DHX35: variants seen among roughly 807,000 people sequenced by gnomAD.
DHX35 encodes DEAH-box helicase 35.
DHX35 carries 84 observed loss-of-function variants against 99.6 expected under a neutral mutation model. The observed-to-expected ratio is 0.84, with a 90% CI of 0.71 to 1.01. DHX35 has a LOEUF of 1.01. Ranked by LOEUF, DHX35 falls within the 50% of genes least tolerant of loss-of-function variation. The pLI, the probability that DHX35 is intolerant of heterozygous loss-of-function variation, is 0.00. For missense variants in DHX35, 852 were observed against 888.5 expected (o/e 0.96, Z 0.52); for synonymous variants, 331 against 316.2 (o/e 1.05, Z -0.50).
chr20:38,971,994 GTTTTGTTTTGTTT>G (rs1278758779), intron 2 of DHX35, among the ~76,000 whole-genome samples: 4 of 112,044 alleles, frequency 3.6e-5, no homozygotes, highest in African/African-American at 9.9e-5. Flanking sequence ...TGTTTTTTTT[GTTTTGTTTTGTTT>G]TTTTTTTTTT....
intron 15 of DHX35, among the ~76,000 whole-genome samples, chr20:39,020,653 A>ATTTTTTTTTT (rs1339589021): frequency 1.2e-5 from 1 of 86,592 alleles, no homozygotes; most frequent in African/African-American, 5.1e-5. Context: ...TAGAAACAGG[A>ATTTTTTTTTT]TTCTTTTTTT....
intron 3 of DHX35, chr20:38,977,731 T>C (rs2086103504): frequency 9.9e-6 from 4 of 403,874 alleles, no homozygotes; most frequent in Admixed American, 7.6e-5. Flanking sequence ...ATTTTTGCTT[T>C]AGTGTTTTCT....
intron 20 of DHX35, among the ~76,000 whole-genome samples, chr20:39,033,095 G>A (rs2087084603): frequency 6.6e-6 from 1 of 152,082 alleles, no homozygotes; most frequent in Non-Finnish European, 1.5e-5. Context: ...AATGAGCCAG[G>A]CATGGTGGCA....
rs559492413 is a variant in DHX35 at position 38,977,543 on chromosome 20, A to G, written c.267+4892A>G. Among the ~76,000 whole-genome samples, 5 of 152,268 alleles carry G rather than the reference A, an allele frequency of 3.3e-5. No individual in the cohort carries two copies. In the East Asian group the frequency reaches 9.6e-4, roughly 29 times the overall value. ...CACTACTATTATGTCCTATCATGAC[A>G]TTCCATACATACCTAAAACCAAGCA... On this transcript the variant is annotated intron_variant, in intron 3 of 21. Transcript: ENST00000252011.
chr20:38,967,603 G>A (rs995712579), intron 1 of DHX35, among the ~76,000 whole-genome samples: 2 of 152,186 alleles, frequency 1.3e-5, no homozygotes, highest in Admixed American at 1.3e-4. Flanking sequence ...TGTTTCTCCT[G>A]AGTTGTTTTT....
chr20:39,014,196 G>C (rs533418094), intron 13 of DHX35, among the ~76,000 whole-genome samples: 25 of 152,218 alleles, frequency 1.6e-4, no homozygotes, highest in African/African-American at 6.0e-4. Context: ...TTATTACCTG[G>C]GTTATTAGAA....
intron 14 of DHX35, among the ~76,000 whole-genome samples, chr20:39,016,151 G>A (rs1386015972): frequency 6.6e-6 from 1 of 152,204 alleles, no homozygotes; most frequent in African/African-American, 2.4e-5. Flanking sequence ...GAAAGCAAAA[G>A]GAGAGTGGGC....
chr20:38,989,631 T>C (rs1215959023), intron 5 of DHX35, among the ~76,000 whole-genome samples: 2 of 152,164 alleles, frequency 1.3e-5, no homozygotes, highest in Non-Finnish European at 2.9e-5. Context: ...GCAATCGAAA[T>C]ATAGAAACAA....
At chr20:38,978,492 G>T (rs2086118106) in intron 3 of DHX35, 3 of 482,426 alleles carry the variant, frequency 6.2e-6, no homozygotes, top group Non-Finnish European at 1.1e-5. Flanking sequence ...CCAGAGAACA[G>T]CTGTGCAGGG....
chr20:39,009,263 T>C (rs1568744497), intron 12 of DHX35, among the ~76,000 whole-genome samples: 1 of 152,204 alleles, frequency 6.6e-6, no homozygotes, highest in Non-Finnish European at 1.5e-5. Flanking sequence ...AAGTAGCTCA[T>C]TTGGAACTTC....
intron 1 of DHX35, among the ~76,000 whole-genome samples, chr20:38,964,094 T>C (rs375044679): frequency 2.6e-5 from 4 of 152,200 alleles, no homozygotes; most frequent in Non-Finnish European, 5.9e-5. Context: ...ATTATAATTA[T>C]ATGGAAGTAT....
At chr20:39,022,246 A>T (rs1374671004) in intron 16 of DHX35, among the ~76,000 whole-genome samples, 2 of 151,978 alleles carry the variant, frequency 1.3e-5, no homozygotes, top group African/African-American at 4.8e-5. Flanking sequence ...CTGCAACTGC[A>T]CTCTGCCTCC....
In DHX35 at chr20:39,033,595, G is replaced by A. The variant is rs550422132; in HGVS notation, c.1956-611G>A. Among the ~76,000 whole-genome samples, 17 of 152,264 alleles carry A rather than the reference G, an allele frequency of 1.1e-4. No homozygotes were observed. The South Asian group carries it at 3.5e-3, about 32-fold the overall frequency. On this transcript the variant is annotated intron_variant, in intron 20 of 21. Transcript: ENST00000252011. ...TGGGAAGCCCTGAATTAACACTTTG[G>A]ATGTTTCAGAAACTGATATCTACTC...
intron 1 of DHX35, among the ~76,000 whole-genome samples, chr20:38,963,665 T>C (rs935877322): frequency 6.6e-6 from 1 of 152,228 alleles, no homozygotes; most frequent in Non-Finnish European, 1.5e-5. Context: ...CAGGGTACTA[T>C]TTTGGTTAAA....
At chr20:38,971,374 C>CAA (rs2085994450) in intron 2 of DHX35, among the ~76,000 whole-genome samples, 1 of 152,050 alleles carries the variant, frequency 6.6e-6, no homozygotes. Context: ...CAAAACAAAA[C>CAA]AATGTTGGAA....
chr20:39,015,520 C>T (rs899628077), intron 14 of DHX35, among the ~76,000 whole-genome samples: 6 of 152,154 alleles, frequency 3.9e-5, no homozygotes, highest in African/African-American at 1.4e-4. Context: ...TTTATCTTGA[C>T]ATAGAGAAAA....
intron 20 of DHX35, among the ~76,000 whole-genome samples, chr20:39,031,595 C>T (rs1442982347): frequency 1.3e-5 from 2 of 152,172 alleles, no homozygotes; most frequent in African/African-American, 2.4e-5. Flanking sequence ...CCTCGGCCTC[C>T]CAAAGCTCTG....
chr20:39,019,389 A>G (rs1256497717), intron 15 of DHX35, among the ~76,000 whole-genome samples: 2 of 152,194 alleles, frequency 1.3e-5, no homozygotes, highest in East Asian at 1.9e-4. Context: ...GTATATCTAT[A>G]CCATGTTTTG....
chr20:38,962,586 G>A (rs2145819713), intron 1 of DHX35, 179 bp downstream of exon 1: 1 of 720,420 alleles, frequency 1.4e-6, no homozygotes, highest in Non-Finnish European at 2.2e-6. Flanking sequence ...GAGGGATTTG[G>A]GGGTGCTCCC....
Sources: gnomAD v4.1 joint callset for allele counts (sites outside exome capture counted in the v4.1 genomes callset) on GRCh38, gnomAD v4.1.1 for gene constraint, MANE v1.5 for transcripts, NCBI Gene and HGNC (gene_info 2026-07-23, HGNC 2026-07-21) for gene names.